Variants in NCAPH observed in about 807,000 individuals in gnomAD.
NCAPH encodes non-SMC condensin I complex subunit H, also known as condensin complex subunit 2.
NCAPH carries 38 observed loss-of-function variants against 85.5 expected under a neutral mutation model. The ratio of observed to expected loss-of-function variants is 0.44; its 90% confidence interval spans 0.34 to 0.58. The LOEUF (loss-of-function observed/expected upper bound fraction) is 0.58, where lower values mean the gene tolerates loss of function less well. Among genes scored for constraint, NCAPH ranks in the 20% least tolerant of loss-of-function variants. The pLI is 0.01. For synonymous variants in NCAPH, 301 were observed against 335.1 expected (o/e 0.90, Z 1.11); for missense variants, 789 against 916.6 (o/e 0.86, Z 1.80).
At chr2:96,343,347 C>G in intron 5 of NCAPH, 43 bp downstream of exon 5, 1 of 1,571,170 alleles carries the variant, frequency 6.4e-7, no homozygotes, top group Non-Finnish European at 8.6e-7. Context: ...CTTTTTAGGG[C>G]ATACCAGGTA....
intron 8 of NCAPH, 81 bp from the exon 9 acceptor site, chr2:96,354,102 G>C (rs544530499): frequency 2.2e-6 from 3 of 1,371,744 alleles, no homozygotes; most frequent in Middle Eastern, 3.7e-4. Flanking sequence ...TGAAATTTAA[G>C]GGTGAGAAGG....
intron 6 of NCAPH, among the ~76,000 whole-genome samples, chr2:96,349,437 A>G (rs896840923): frequency 2.6e-5 from 4 of 151,776 alleles, no homozygotes; most frequent in South Asian, 2.1e-4. Flanking sequence ...GCTGGATTGC[A>G]ATGGTTCAGT....
chr2:96,362,035 C>T (rs1335986550), intron 12 of NCAPH, among the ~76,000 whole-genome samples: 4 of 151,740 alleles, frequency 2.6e-5, no homozygotes, highest in Middle Eastern at 6.8e-3. Flanking sequence ...TGAGCCGTTA[C>T]ACCTGGCCTC....
chr2:96,359,222 AAAG>A (rs758696166), intron 10 of NCAPH, 29 bp downstream of exon 10: 6 of 1,612,648 alleles, frequency 3.7e-6, no homozygotes, highest in Non-Finnish European at 5.1e-6. Context: ...AATTTTAAGA[AAAG>A]AAGTAGTGTA....
rs758794436 is a variant in NCAPH, at chr2:96,365,603, G to A, written c.1699-273G>A. Among the ~76,000 whole-genome samples, 21 of 152,314 alleles carry A rather than the reference G, an allele frequency of 1.4e-4. No individual in the cohort carries two copies. In the Middle Eastern group the frequency reaches 0.01, roughly 74 times the overall value. On this transcript the variant is annotated intron_variant, in intron 13 of 17. Coordinates refer to ENST00000240423, the MANE Select transcript of NCAPH (RefSeq NM_015341.5). The stretch of plus-strand genomic sequence containing the variant: ...GTAAAATGAAATCCTAAATTTGTTA[G>A]AAGCTGAAGGGGGGACATAGTGGCA...
At chr2:96,354,960 C>G (rs1558796671) in intron 9 of NCAPH, among the ~76,000 whole-genome samples, 1 of 152,074 alleles carries the variant, frequency 6.6e-6, no homozygotes, top group African/African-American at 2.4e-5. Flanking sequence ...GTTGGTGACT[C>G]TAAGCCACCA....
chr2:96,354,029 G>A (rs1415441342), intron 8 of NCAPH, among the ~76,000 whole-genome samples, 154 bp from the exon 9 acceptor site: 1 of 152,116 alleles, frequency 6.6e-6, no homozygotes, highest in African/African-American at 2.4e-5. Flanking sequence ...TGAGAGTCTT[G>A]GCCCAGGCAG....
rs2064472460 is a variant in NCAPH, at chr2:96,353,294, T to C, written c.911-12T>C. The C allele has an allele frequency of 6.2e-7, 1 of 1,612,740 alleles. No homozygotes were observed. Among genetic ancestry groups the C allele is most frequent in the African/African-American group, 1.3e-5 (1 of 75,048 alleles). On this transcript the variant is annotated splice_polypyrimidine_tract_variant and intron_variant, in intron 7 of 17. Transcript: ENST00000240423. ...TTCTAATCTCTCTTTGTGATCTTGC[T>C]ATCCTCTCCAGCGCCCTTGCAGCAG...
intron 3 of NCAPH, 40 bp downstream of exon 3, chr2:96,342,180 T>G (rs762457900): frequency 2.0e-6 from 3 of 1,475,658 alleles, no homozygotes; most frequent in Middle Eastern, 1.7e-4. Context: ...CGTAATCCCT[T>G]GATCACAGGG....
Position 96,369,408 on chromosome 2 carries a change from T to G in NCAPH, c.2091-17T>G. 6.2e-7 allele frequency: 1 copy of G among 1,610,808 alleles called. No homozygotes were observed. The highest frequency in any genetic ancestry group is 8.5e-7 in the Non-Finnish European group (1 of 1,176,960). ...AACAGTTGGCAGTGACCTAAATACT[T>G]GCCCCTTTCTTTCCAGCCTGCCCCC... On this transcript the variant is annotated splice_polypyrimidine_tract_variant and intron_variant, in intron 16 of 17. Transcript: ENST00000240423.
chr2:96,356,323 A>T (rs2064524353), intron 9 of NCAPH, among the ~76,000 whole-genome samples: 1 of 152,126 alleles, frequency 6.6e-6, no homozygotes, highest in Non-Finnish European at 1.5e-5. Context: ...TCTTGCCGTT[A>T]CTAGCCCTGA....
Position 96,364,494 on chromosome 2 carries a change from C to A in NCAPH, c.1601C>A (p.Ala534Asp). ...LKPGTRLLKM[A>D]QGHRVETEHY... The stretch of plus-strand genomic sequence containing the variant: ...TCTTTCCTTTAGTTACTTAAGATGG[C>A]CCAGGGCCATAGGGTAGAGACTGAG... The change falls in exon 13 of 18, where the codon GCC becomes GAC. Residue 534 changes from alanine to aspartate, a missense_variant. Coordinates refer to ENST00000240423, the MANE Select transcript of NCAPH (RefSeq NM_015341.5). 6.2e-7 allele frequency: 1 copy of A among 1,608,320 alleles called. No individual in the cohort carries two copies. The highest frequency in any genetic ancestry group is 8.5e-7 in the Non-Finnish European group (1 of 1,175,096).
intron 17 of NCAPH, among the ~76,000 whole-genome samples, chr2:96,373,019 C>T (rs545685891): frequency 7.2e-5 from 11 of 152,184 alleles, no homozygotes; most frequent in South Asian, 2.1e-4. Flanking sequence ...TCAGGGCAGA[C>T]GGCTCAGCTC....
intron 1 of NCAPH, among the ~76,000 whole-genome samples, chr2:96,337,038 T>C (rs183979652): frequency 6.6e-5 from 10 of 152,236 alleles, no homozygotes; most frequent in Admixed American, 2.0e-4. Flanking sequence ...ATAGTTCTCA[T>C]GAAGTTGGAA....
chr2:96,368,650 C>T (rs960642350), intron 15 of NCAPH, among the ~76,000 whole-genome samples: 4 of 151,710 alleles, frequency 2.6e-5, no homozygotes, highest in East Asian at 1.9e-4. Flanking sequence ...AGCGAGACTC[C>T]GTCTCAAAAA....
intron 1 of NCAPH, among the ~76,000 whole-genome samples, chr2:96,336,297 T>C (rs1486717094): frequency 1.3e-5 from 2 of 152,330 alleles, no homozygotes; most frequent in South Asian, 4.1e-4. Flanking sequence ...AGCTCTCCCG[T>C]TGGGCGAACA....
chr2:96,335,825 G>GAA lies in NCAPH; in HGVS notation c.-3_-2dup, dbSNP rs1294345420. The GAA allele has an allele frequency of 6.7e-7, 1 of 1,497,498 alleles. No homozygotes were observed. The allele number at this position is 1,497,498 out of a possible 1,614,324, so 92.8% of individuals were successfully genotyped here. ...TAAAACCAGCTCAGGAGACGCCAAG[G>GAA]AAAGATGGGACCTCCCGGCCCAGGT... On this transcript the variant is annotated 5_prime_UTR_variant, in exon 1 of 18. Coordinates refer to ENST00000240423, the MANE Select transcript of NCAPH (RefSeq NM_015341.5).
chr2:96,372,083 G>C (rs184626388), intron 17 of NCAPH, among the ~76,000 whole-genome samples: 1 of 152,260 alleles, frequency 6.6e-6, no homozygotes, highest in Non-Finnish European at 1.5e-5. Context: ...GCGAGTGACT[G>C]TTGAGCCCTG....
rs2064297207 is a variant in NCAPH at position 96,341,725 on chromosome 2, C to T, written c.103C>T (p.Pro35Ser). ...SASSPSERVFPMPLPRKAPLN... is the reference protein window; with the variant it reads ...SASSPSERVFSMPLPRKAPLN... ...CTCCTCTCCTTCAGAGCGTGTGTTC[C>T]CGATGCCCCTGCCCAGGAAGGCGCC... The change falls in exon 2 of 18, where the codon CCG becomes TCG. Residue 35 changes from proline (P) to serine (S), a missense_variant. Pro to Ser is a moderately conservative substitution (Grantham distance 74). Coordinates refer to ENST00000240423, the MANE Select transcript of NCAPH (RefSeq NM_015341.5). 6.2e-7 allele frequency: 1 copy of T among 1,614,216 alleles called. No homozygotes were observed. Among genetic ancestry groups the T allele is most frequent in the African/African-American group, 1.3e-5 (1 of 75,052 alleles).
Sources: allele counts gnomAD v4.1 joint callset (sites outside exome capture counted in the v4.1 genomes callset), GRCh38; gene constraint gnomAD v4.1.1; transcripts MANE v1.5; gene names NCBI Gene and HGNC (gene_info 2026-07-23, HGNC 2026-07-21).